Variants in TSC22D2 observed in about 807,000 individuals in gnomAD.
The protein encoded by TSC22D2 is TSC22 domain family protein 2.
TSC22D2 carries 5 observed loss-of-function variants against 50.1 expected under a neutral mutation model. The ratio of observed to expected loss-of-function variants is 0.10; its 90% CI spans 0.05 to 0.21. The LOEUF (loss-of-function observed/expected upper bound fraction) is 0.21, where lower values mean the gene tolerates loss of function less well. Ranked by LOEUF, TSC22D2 falls within the 10% of genes least tolerant of loss-of-function variation. The pLI is 1.00. For synonymous variants in TSC22D2, 501 were observed against 450.1 expected (o/e 1.11, Z -1.43); for missense variants, 1,003 against 1,015.5 (o/e 0.99, Z 0.17).
chr3:150,421,571 G>A (rs1278378094), intron 1 of TSC22D2, among the ~76,000 whole-genome samples: 1 of 152,166 alleles, frequency 6.6e-6, no homozygotes, highest in African/African-American at 2.4e-5. Context: ...AGTGGAAAAA[G>A]GATTAAAAGA....
rs11330414 is a variant in TSC22D2 at position 150,459,572 on chromosome 3, G to GTTTT, written c.*946_*949dup. The GTTTT allele has an allele frequency of 8.7e-6, 1 of 115,552 alleles. No individual in the cohort carries two copies. The highest frequency in any genetic ancestry group is 3.3e-5 in the African/African-American group (1 of 30,664). The allele number at this position is 115,552 out of a possible 1,614,324, so 7.2% of individuals were successfully genotyped here. On this transcript the variant is annotated 3_prime_UTR_variant, in exon 3 of 3. Coordinates refer to ENST00000688009, the MANE Select transcript of TSC22D2 (RefSeq NM_001303264.2). ...TAATGGAGTTTGGTTTTTTTTTGTTGTTTTTTTTTTTTTGTCTTTTTTTTT... is the reference window on the plus strand; with the variant it reads ...TAATGGAGTTTGGTTTTTTTTTGTTGTTTTTTTTTTTTTTTTTGTCTTTTTTTTT...
At position 150,421,717 on chromosome 3, in the gene TSC22D2, C is replaced by A. The variant is rs138738020; in HGVS notation, c.1958+10409C>A. Among the ~76,000 whole-genome samples the A allele has an allele frequency of 8.5e-5, 13 of 152,194 alleles. No homozygotes were observed. In the South Asian group the frequency reaches 1.9e-3, roughly 22 times the overall value. On this transcript the variant is annotated intron_variant, in intron 1 of 2. Coordinates refer to ENST00000688009, the MANE Select transcript of TSC22D2 (RefSeq NM_001303264.2). ...TATTGTACTAATAATTCTGCACAGA[C>A]TTTAAGGCTCTTAATAGGACCCCAG... is the stretch of plus-strand genomic sequence containing the variant.
chr3:150,457,040 T>G, intron 1 of TSC22D2, 36 bp from the exon 2 acceptor site: 2 of 1,597,192 alleles, frequency 1.3e-6, no homozygotes, highest in Non-Finnish European at 1.7e-6. Flanking sequence ...GGAGGTTAAA[T>G]TTTTTAGAAT....
rs1721314104 is a variant in TSC22D2, at chr3:150,459,586, G to GTTTTTTTTTTTTT, written c.*951_*952insTTTTTTTTTTTTT. 2 of 78,342 alleles carry GTTTTTTTTTTTTT rather than the reference G, an allele frequency of 2.6e-5. No individual in the cohort carries two copies. The highest frequency in any genetic ancestry group is 9.7e-5 in the African/African-American group (2 of 20,582). The allele number at this position is 78,342 out of a possible 1,614,324, so 4.9% of individuals were successfully genotyped here. ...TTTTTTTTGTTGTTTTTTTTTTTTT[G>GTTTTTTTTTTTTT]TCTTTTTTTTTTTTTATAATGCACA... On this transcript the variant is annotated 3_prime_UTR_variant, in exon 3 of 3. Transcript: ENST00000688009.
intron 1 of TSC22D2, among the ~76,000 whole-genome samples, chr3:150,438,648 T>C (rs1469446107): frequency 6.6e-6 from 1 of 152,110 alleles, no homozygotes. Context: ...GCCTACAATA[T>C]AGTGAAGAAC....
At chr3:150,411,678 T>C (rs762722985) in intron 1 of TSC22D2, among the ~76,000 whole-genome samples, 47 of 152,278 alleles carry the variant, frequency 3.1e-4, no homozygotes, top group Non-Finnish European at 4.1e-4. Context: ...GATTTGTCAG[T>C]GTGAGTTTTG....
At chr3:150,443,928 C>T (rs1306540690) in intron 1 of TSC22D2, among the ~76,000 whole-genome samples, 1 of 152,154 alleles carries the variant, frequency 6.6e-6, no homozygotes, top group African/African-American at 2.4e-5. Flanking sequence ...ATGAAGTCTT[C>T]TATGATTTAG....
chr3:150,425,481 A>G (rs1720149473), intron 1 of TSC22D2, among the ~76,000 whole-genome samples: 1 of 152,202 alleles, frequency 6.6e-6, no homozygotes, highest in African/African-American at 2.4e-5. Context: ...GCGCTATTGC[A>G]CTCCAACCTG....
At chr3:150,456,462 A>G (rs1016856937) in intron 1 of TSC22D2, among the ~76,000 whole-genome samples, 1 of 152,154 alleles carries the variant, frequency 6.6e-6, no homozygotes, top group Non-Finnish European at 1.5e-5. Flanking sequence ...TGCTGGGATT[A>G]CAAGCGTGAG....
Position 150,411,075 on chromosome 3 carries a change from T to G in TSC22D2, c.1725T>G (p.Ser575=). The G allele has an allele frequency of 1.9e-6, 3 of 1,614,218 alleles. No homozygotes were observed. The highest frequency in any genetic ancestry group is 2.5e-6 in the Non-Finnish European group (3 of 1,180,034). Residue 575 remains serine (S), a synonymous_variant, in exon 1 of 3, where the codon TCT becomes TCG. Coordinates refer to ENST00000688009, the MANE Select transcript of TSC22D2 (RefSeq NM_001303264.2). ...GCGCACCAACAAGTCTACCACAGTC[T>G]GACCTAAGCCAGTTTCAAACTCAGA... ...THSAPTSLPQ[S]DLSQFQTQTQ... is the part of the protein sequence containing the mutation.
At chr3:150,427,364 A>G (rs553456261) in intron 1 of TSC22D2, among the ~76,000 whole-genome samples, 1 of 151,732 alleles carries the variant, frequency 6.6e-6, no homozygotes, top group East Asian at 1.9e-4. Context: ...TCCCAATCCT[A>G]ATTTCTAATG....
In TSC22D2 at chr3:150,411,254, G is replaced by T. The variant is rs1719556342; in HGVS notation, c.1904G>T (p.Ser635Ile). 1 of 1,614,102 alleles carries T rather than the reference G, an allele frequency of 6.2e-7. No homozygotes were observed. The highest frequency in any genetic ancestry group is 1.3e-5 in the African/African-American group (1 of 74,922). The stretch of plus-strand genomic sequence containing the variant: ...CCCCTTCAGTTAACACCTATGAACA[G>T]TCTGGCCACCTCTGTATTCAGCATA... ...ANPLQLTPMN[S>I]LATSVFSIAI... Residue 635 changes from serine to isoleucine, a missense_variant, in exon 1 of 3, where the codon AGT becomes ATT. Coordinates refer to ENST00000688009, the MANE Select transcript of TSC22D2 (RefSeq NM_001303264.2).
In TSC22D2 at chr3:150,409,587, G is replaced by A; in HGVS notation, c.237G>A (p.Glu79=). 6.3e-7 allele frequency: 1 copy of A among 1,598,408 alleles called. No homozygotes were observed. The highest frequency in any genetic ancestry group is 8.6e-7 in the Non-Finnish European group (1 of 1,168,092). Residue 79 remains glutamate (E), a synonymous_variant, in exon 1 of 3, where the codon GAG becomes GAA. Coordinates refer to ENST00000688009, the MANE Select transcript of TSC22D2 (RefSeq NM_001303264.2). The surrounding 1 kb of genome is among the most constrained non-coding windows in gnomAD (Gnocchi z 7.4). The part of the protein sequence containing the change: ...EETLNNVGDA[E]TPGTVSPNLL... ...CGCTTAACAATGTTGGGGATGCGGA[G>A]ACTCCCGGGACCGTCTCCCCAAACC... is the stretch of plus-strand genomic sequence containing the variant.
intron 1 of TSC22D2, among the ~76,000 whole-genome samples, chr3:150,443,366 A>G (rs1035677943): frequency 3.3e-5 from 5 of 152,228 alleles, no homozygotes; most frequent in South Asian, 4.1e-4. Flanking sequence ...CATAGCTGCT[A>G]TAATCAAGAA....
rs907875175 is a variant in TSC22D2, at chr3:150,408,352, G to A, written c.-999G>A. 12 of 153,192 alleles carry A rather than the reference G, an allele frequency of 7.8e-5. No individual in the cohort carries two copies. Among genetic ancestry groups the A allele is most frequent in the South Asian group, 1.8e-4 (1 of 5,678 alleles). The allele number at this position is 153,192 out of a possible 1,614,324, so 9.5% of individuals were successfully genotyped here. A position where few individuals can be genotyped will look rare whatever the true frequency, so the allele number is the denominator to read the frequency against. On this transcript the variant is annotated 5_prime_UTR_variant, in exon 1 of 3. Coordinates refer to ENST00000688009, the MANE Select transcript of TSC22D2 (RefSeq NM_001303264.2). The stretch of plus-strand genomic sequence containing the variant: ...CTGCTCCTCCCAGCATCCCTGGCGC[G>A]GCCATTTCAGCCCCATCTTGGCCCA...
intron 1 of TSC22D2, among the ~76,000 whole-genome samples, chr3:150,440,058 A>G (rs1304765969): frequency 1.3e-5 from 2 of 152,218 alleles, no homozygotes; most frequent in Non-Finnish European, 2.9e-5. Flanking sequence ...ATATATTAAT[A>G]GATATTATCA....
intron 1 of TSC22D2, among the ~76,000 whole-genome samples, chr3:150,439,957 T>C (rs1440600684): frequency 6.6e-6 from 1 of 152,242 alleles, no homozygotes; most frequent in East Asian, 1.9e-4. Context: ...CAATTGGATT[T>C]TTCTGCAGAG....
At chr3:150,415,821 GA>G (rs1719775278) in intron 1 of TSC22D2, among the ~76,000 whole-genome samples, 2 of 151,680 alleles carry the variant, frequency 1.3e-5, no homozygotes, top group South Asian at 2.1e-4. Context: ...TCTGTAAAAA[GA>G]AAAAAAATAA....
chr3:150,419,216 C>G (rs879341902), intron 1 of TSC22D2, among the ~76,000 whole-genome samples: 1 of 152,008 alleles, frequency 6.6e-6, no homozygotes, highest in Non-Finnish European at 1.5e-5. Context: ...GAAACTGAGA[C>G]TCTTAAAATT....
Sources: gnomAD v4.1 joint callset for allele counts (sites outside exome capture counted in the v4.1 genomes callset) on GRCh38, gnomAD v4.1.1 for gene constraint, Gnocchi (gnomAD v3.1) non-coding constraint, MANE v1.5 for transcripts, NCBI Gene and HGNC (gene_info 2026-07-23, HGNC 2026-07-21) for gene names.